CHST11: variants seen among roughly 807,000 people sequenced by gnomAD.
CHST11 encodes the protein carbohydrate sulfotransferase 11.
Under a neutral mutation model 30.4 loss-of-function variants are expected in CHST11, and 9 were observed. The observed-to-expected ratio is 0.30, with a 90% CI of 0.18 to 0.52. The LOEUF is 0.52. Ranked by LOEUF, CHST11 falls within the 20% of genes least tolerant of loss-of-function variation. The pLI, the probability that CHST11 is intolerant of heterozygous loss-of-function variation, is 0.97. For synonymous variants in CHST11, 152 were observed against 187.8 expected, an observed-to-expected ratio of 0.81 and a Z score of 1.56; for missense variants, 348 against 460.6, an observed-to-expected ratio of 0.76 and a Z score of 2.24.
intron 2 of CHST11, among the ~76,000 whole-genome samples, chr12:104,754,707 G>A (rs966991478): frequency 6.6e-6 from 1 of 152,118 alleles, no homozygotes; most frequent in African/African-American, 2.4e-5. Flanking sequence ...ATGCACATCG[G>A]GGGATACTAG....
chr12:104,674,652 A>T (rs1157439999), intron 2 of CHST11, among the ~76,000 whole-genome samples: 2 of 152,164 alleles, frequency 1.3e-5, no homozygotes, highest in African/African-American at 4.8e-5. Flanking sequence ...AATTAATTGA[A>T]TATTGAATGG....
At position 104,607,978 on chromosome 12, in the gene CHST11, A is replaced by G. The variant is rs115811631; in HGVS notation, c.204+5987A>G. Among the ~76,000 whole-genome samples the G allele has an allele frequency of 3.5e-3, 533 of 152,216 alleles. 6 individuals are homozygous for G. The highest frequency in any genetic ancestry group is 0.012 in the African/African-American group (503 of 41,522). On this transcript the variant is annotated intron_variant, in intron 2 of 2. Coordinates refer to ENST00000303694, the MANE Select transcript of CHST11 (RefSeq NM_018413.6). ...CTATAAAATGAAGGGGTTAGACTGG[A>G]TCAGTGTTTATCAAGCCTGTGGTCT...
chr12:104,503,772 G>A (rs77299081), intron 1 of CHST11, among the ~76,000 whole-genome samples: 6,471 of 152,262 alleles, frequency 0.042, 211 homozygotes, highest in Admixed American at 0.098. Context: ...ACGGGACACA[G>A]TTAGTACCCG....
chr12:104,709,078 G>A (rs557333142), intron 2 of CHST11, among the ~76,000 whole-genome samples: 10 of 152,280 alleles, frequency 6.6e-5, no homozygotes, highest in Non-Finnish European at 2.9e-5. Context: ...ACCCGGTTTC[G>A]GCTTTACATT....
intron 1 of CHST11, among the ~76,000 whole-genome samples, chr12:104,509,949 G>A (rs1456793339): frequency 6.6e-6 from 1 of 152,180 alleles, no homozygotes; most frequent in African/African-American, 2.4e-5. Context: ...GGTGTTTCAG[G>A]GACCTAGGCT....
At chr12:104,726,034 A>G (rs2040214004) in intron 2 of CHST11, among the ~76,000 whole-genome samples, 1 of 152,202 alleles carries the variant, frequency 6.6e-6, no homozygotes, top group South Asian at 2.1e-4. Flanking sequence ...TGAGCCAATG[A>G]AGCAGGATTG....
chr12:104,634,417 T>G (rs767269379), intron 2 of CHST11, among the ~76,000 whole-genome samples: 2 of 152,128 alleles, frequency 1.3e-5, no homozygotes, highest in Non-Finnish European at 2.9e-5. Flanking sequence ...AGAGGGAATA[T>G]AAGAGGAGCC....
At chr12:104,754,886 G>T (rs1261760581) in intron 2 of CHST11, among the ~76,000 whole-genome samples, 1 of 152,204 alleles carries the variant, frequency 6.6e-6, no homozygotes, top group East Asian at 1.9e-4. Context: ...TCAGCGTGTT[G>T]CTGGGAAGAT....
At chr12:104,512,353 T>C (rs2037973387) in intron 1 of CHST11, among the ~76,000 whole-genome samples, 2 of 152,198 alleles carry the variant, frequency 1.3e-5, no homozygotes, top group East Asian at 1.9e-4. Context: ...GCTCCTGTTT[T>C]ATAGATTCAG....
intron 1 of CHST11, among the ~76,000 whole-genome samples, chr12:104,517,952 G>A (rs1213898046): frequency 6.6e-6 from 1 of 152,070 alleles, no homozygotes; most frequent in Non-Finnish European, 1.5e-5. Flanking sequence ...GATAACTTTG[G>A]ATCTAAGGTC....
chr12:104,544,125 TAAAAAA>T (rs60776273), intron 1 of CHST11, among the ~76,000 whole-genome samples: 39 of 97,366 alleles, frequency 4.0e-4, no homozygotes, highest in African/African-American at 1.5e-3. Context: ...CCCTGTCTGT[TAAAAAA>T]AAAAAAAAAA....
chr12:104,576,404 T>C (rs2038684216), intron 1 of CHST11, among the ~76,000 whole-genome samples: 1 of 151,968 alleles, frequency 6.6e-6, no homozygotes, highest in African/African-American at 2.4e-5. Context: ...TGATGCAAAA[T>C]GTGTGGTGGA....
At chr12:104,677,522 T>C (rs1403496546) in intron 2 of CHST11, among the ~76,000 whole-genome samples, 3 of 152,222 alleles carry the variant, frequency 2.0e-5, no homozygotes, top group African/African-American at 4.8e-5. Flanking sequence ...ATAGCCCCTA[T>C]TGGAGCCTAG....
intron 1 of CHST11, among the ~76,000 whole-genome samples, chr12:104,495,223 A>G (rs961168633): frequency 2.0e-5 from 3 of 152,138 alleles, no homozygotes; most frequent in African/African-American, 7.2e-5. Flanking sequence ...TCTTCAGTTG[A>G]TGGGCATCTG....
chr12:104,652,022 T>C (rs1277051103), intron 2 of CHST11, among the ~76,000 whole-genome samples: 1 of 152,216 alleles, frequency 6.6e-6, no homozygotes, highest in Non-Finnish European at 1.5e-5. Context: ...GAAGATACTT[T>C]TCCTGAGCAG....
intron 2 of CHST11, among the ~76,000 whole-genome samples, chr12:104,603,398 A>G (rs2038975259): frequency 6.6e-6 from 1 of 152,226 alleles, no homozygotes; most frequent in Non-Finnish European, 1.5e-5. Context: ...ATATGGTGTC[A>G]TGGGAAAAGC....
At chr12:104,514,373 T>C (rs1209215388) in intron 1 of CHST11, 3 of 936,872 alleles carry the variant, frequency 3.2e-6, no homozygotes, top group Admixed American at 3.4e-5. Flanking sequence ...TTCTGGGCTT[T>C]GCCCTGTCTG....
At chr12:104,656,343 C>G (rs1262359324) in intron 2 of CHST11, among the ~76,000 whole-genome samples, 1 of 152,068 alleles carries the variant, frequency 6.6e-6, no homozygotes, top group Non-Finnish European at 1.5e-5. Context: ...ATCTTTTTTC[C>G]AAGTGATGCA....
At chr12:104,461,411 A>G (rs966914759) in intron 1 of CHST11, among the ~76,000 whole-genome samples, 1 of 152,208 alleles carries the variant, frequency 6.6e-6, no homozygotes, top group Non-Finnish European at 1.5e-5. Context: ...AATGCTTCCT[A>G]TGCAAGTTCA....
Sources: gnomAD v4.1 joint callset for allele counts (sites outside exome capture counted in the v4.1 genomes callset) on GRCh38, gnomAD v4.1.1 for gene constraint, MANE v1.5 for transcripts, NCBI Gene and HGNC (gene_info 2026-07-23, HGNC 2026-07-21) for gene names.